Variants in CPSF3 observed in about 807,000 individuals in gnomAD.
CPSF3 encodes the protein cleavage and polyadenylation specific factor 3.
CPSF3 carries 57 observed loss-of-function variants against 84.1 expected under a neutral mutation model. That is an observed-to-expected ratio of 0.68 (90% CI 0.55 to 0.85). The LOEUF is 0.85. Ranked by LOEUF, CPSF3 falls within the 40% of genes least tolerant of loss-of-function variation. The pLI, the probability that CPSF3 is intolerant of heterozygous loss-of-function variation, is 0.00. For missense variants in CPSF3, 522 were observed against 838.8 expected (o/e 0.62, Z 4.66); for synonymous variants, 275 against 278.1 (o/e 0.99, Z 0.11).
intron 4 of CPSF3, among the ~76,000 whole-genome samples, 181 bp downstream of exon 4, chr2:9,431,061 T>G (rs1680568344): frequency 6.6e-6 from 1 of 152,216 alleles, no homozygotes; most frequent in Non-Finnish European, 1.5e-5. Flanking sequence ...CTTCCTGACC[T>G]TGAAGGTTTT....
intron 13 of CPSF3, among the ~76,000 whole-genome samples, chr2:9,456,035 C>G (rs1681514477): frequency 6.6e-6 from 1 of 151,678 alleles, no homozygotes; most frequent in African/African-American, 2.4e-5. Flanking sequence ...TATCTTTGAC[C>G]CAATTAAAAT....
At chr2:9,454,765 C>T (rs1188503897) in intron 12 of CPSF3, among the ~76,000 whole-genome samples, 2 of 151,862 alleles carry the variant, frequency 1.3e-5, no homozygotes, top group East Asian at 1.9e-4. Context: ...AGGATGGTCT[C>T]GATCTCCTGA....
chr2:9,466,286 GCACA>G (rs56191960), intron 15 of CPSF3, among the ~76,000 whole-genome samples: 2 of 116,490 alleles, frequency 1.7e-5, no homozygotes, highest in Admixed American at 1.7e-4. Flanking sequence ...ACACACGTGC[GCACA>G]CAGACGCATG....
At chr2:9,455,171 C>G (rs1681480868) in intron 12 of CPSF3, among the ~76,000 whole-genome samples, 2 of 147,188 alleles carry the variant, frequency 1.4e-5, no homozygotes, top group Non-Finnish European at 3.0e-5. Flanking sequence ...AAGTCTTGCT[C>G]TGTTGCCCAG....
At chr2:9,454,094 A>G (rs1456535015) in intron 12 of CPSF3, among the ~76,000 whole-genome samples, 1 of 152,064 alleles carries the variant, frequency 6.6e-6, no homozygotes, top group Non-Finnish European at 1.5e-5. Context: ...CTAATACATT[A>G]TATGTGCTTT....
At chr2:9,462,380 A>G (rs1681759056) in intron 15 of CPSF3, among the ~76,000 whole-genome samples, 1 of 152,254 alleles carries the variant, frequency 6.6e-6, no homozygotes, top group South Asian at 2.1e-4. Flanking sequence ...TGAAGTTTCT[A>G]TGCAAAAATG....
intron 17 of CPSF3, 94 bp from the exon 18 acceptor site, chr2:9,472,821 TA>T: frequency 1.1e-6 from 1 of 891,470 alleles, no homozygotes. Flanking sequence ...GCTAATTTTT[TA>T]TGAGATGATG....
chr2:9,426,098 A>G (rs1160276523), intron 1 of CPSF3, among the ~76,000 whole-genome samples: 2 of 152,210 alleles, frequency 1.3e-5, no homozygotes, highest in Non-Finnish European at 2.9e-5. Context: ...ATTTTTTGTG[A>G]TGTGCTACAT....
At chr2:9,446,578 CT>C (rs1193957361) in intron 10 of CPSF3, among the ~76,000 whole-genome samples, 60 of 85,988 alleles carry the variant, frequency 7.0e-4, no homozygotes, top group African/African-American at 2.6e-3. Flanking sequence ...GAGACTCGGT[CT>C]CAAAAAAAAA....
At chr2:9,434,230 A>G (rs1680695987) in intron 6 of CPSF3, among the ~76,000 whole-genome samples, 1 of 152,054 alleles carries the variant, frequency 6.6e-6, no homozygotes, top group Non-Finnish European at 1.5e-5. Flanking sequence ...AAAAAATACA[A>G]AAATTAGCTG....
chr2:9,459,563 A>G lies in CPSF3; in HGVS notation c.1731A>G (p.Ala577=). ...WLANPSNDMY[A]DTVTTVILEV... is the part of the protein sequence containing the mutation. Reference sequence around the variant, plus strand: ...CAAACCCTTCTAATGATATGTATGCAGATACAGTAACAACTGTGATATTGG... The same window carrying G: ...CAAACCCTTCTAATGATATGTATGCGGATACAGTAACAACTGTGATATTGG... The change falls in exon 15 of 18, where the codon GCA becomes GCG. Residue 577 remains alanine (A), a synonymous_variant. Coordinates refer to ENST00000238112, the MANE Select transcript of CPSF3 (RefSeq NM_016207.4). 6.2e-7 allele frequency: 1 copy of G among 1,611,326 alleles called. No individual in the cohort carries two copies. The highest frequency in any genetic ancestry group is 8.5e-7 in the Non-Finnish European group (1 of 1,178,334).
chr2:9,458,664 C>G (rs1681617922), intron 14 of CPSF3, among the ~76,000 whole-genome samples: 1 of 151,822 alleles, frequency 6.6e-6, no homozygotes, highest in African/African-American at 2.4e-5. Flanking sequence ...GACCCTGCCT[C>G]TATAATTCAT....
intron 10 of CPSF3, among the ~76,000 whole-genome samples, chr2:9,447,369 C>T (rs1397247096): frequency 6.6e-6 from 1 of 152,046 alleles, no homozygotes; most frequent in African/African-American, 2.4e-5. Context: ...GTCCCAGCTA[C>T]GTGGGAGGCT....
chr2:9,456,853 C>T, intron 13 of CPSF3, 80 bp from the exon 14 acceptor site: 1 of 786,896 alleles, frequency 1.3e-6, no homozygotes, highest in African/African-American at 1.8e-5. Context: ...TTTATTTTAG[C>T]TGTCTCTATA....
At chr2:9,449,884 CA>C in intron 11 of CPSF3, among the ~76,000 whole-genome samples, 1 of 152,298 alleles carries the variant, frequency 6.6e-6, no homozygotes, top group South Asian at 2.1e-4. Flanking sequence ...CTGTTGATCA[CA>C]ACTCGTTTAG....
rs397702580 is a variant in CPSF3, at chr2:9,432,354, A to AC, written c.342-157_342-156insC. Among the ~76,000 whole-genome samples, 48 of 152,064 alleles carry AC rather than the reference A, an allele frequency of 3.2e-4. 1 individual carries two copies. Among genetic ancestry groups the AC allele is most frequent in the Admixed American group, 3.1e-3 (48 of 15,268 alleles). ...ATACACACAATAGAGTAAAAAAAAA[A>AC]TACACAAAATATCTGAGAAATTTTA... On this transcript the variant is annotated intron_variant, in intron 4 of 17. Transcript: ENST00000238112.
At chr2:9,441,616 T>G in intron 8 of CPSF3, 2 of 565,354 alleles carry the variant, frequency 3.5e-6, no homozygotes, top group Non-Finnish European at 6.2e-6. Context: ...ACTTACCGCT[T>G]TTTATTACTT....
chr2:9,425,595 G>C (rs1680362173), intron 1 of CPSF3, among the ~76,000 whole-genome samples: 1 of 152,126 alleles, frequency 6.6e-6, no homozygotes, highest in African/African-American at 2.4e-5. Context: ...TGTGGGGAGG[G>C]AAGGCAGGGC....
chr2:9,460,333 G>A (rs1392868990), intron 15 of CPSF3, among the ~76,000 whole-genome samples: 1 of 152,136 alleles, frequency 6.6e-6, no homozygotes, highest in East Asian at 1.9e-4. Flanking sequence ...GGAGGCTGAG[G>A]CAGGAGAATG....
Sources: allele counts gnomAD v4.1 joint callset (sites outside exome capture counted in the v4.1 genomes callset), GRCh38; gene constraint gnomAD v4.1.1; transcripts MANE v1.5; gene names NCBI Gene and HGNC (gene_info 2026-07-23, HGNC 2026-07-21).